HDAC9: variants seen among roughly 807,000 people sequenced by gnomAD.
The protein encoded by HDAC9 is MEF-2 interacting transcription repressor (MITR) protein.
HDAC9 carries 41 observed loss-of-function variants against 139.4 expected under a neutral mutation model. The observed-to-expected ratio is 0.29, with a 90% CI of 0.23 to 0.38. The LOEUF is 0.38. HDAC9 is among the 10% of genes least tolerant of loss of function. The pLI is 1.00. For synonymous variants in HDAC9, 517 were observed against 476.2 expected, an observed-to-expected ratio of 1.09 and a Z score of -1.12; for missense variants, 1,147 against 1,297.0, an observed-to-expected ratio of 0.88 and a Z score of 1.78.
chr7:18,647,941 C>G lies in HDAC9; in HGVS notation c.1192C>G (p.Leu398Val). 6.2e-7 allele frequency: 1 copy of G among 1,612,688 alleles called. No homozygotes were observed. Among genetic ancestry groups the G allele is most frequent in the Non-Finnish European group, 8.5e-7 (1 of 1,179,356 alleles). ...GCCACCCAACAGCAGCCACCAGGCT[C>G]TCCTGCAGCATTTATTATTGAAAGA... ...GKPPNSSHQA[L>V]LQHLLLKEQM... is the part of the protein sequence containing the mutation. The change falls in exon 10 of 26, where the codon CTC becomes GTC. Residue 398 changes from leucine to valine, a missense_variant. Physicochemically the swap from Leu to Val is conservative, Grantham distance 32. This residue lies in a region of HDAC9 where 264 missense variants were observed against 273.8 expected (regional missense o/e 0.96). Transcript: ENST00000686413.
intron 2 of HDAC9, among the ~76,000 whole-genome samples, chr7:18,272,136 A>C (rs1270451057): frequency 2.6e-5 from 4 of 152,156 alleles, no homozygotes; most frequent in African/African-American, 7.2e-5. Context: ...CAGTATTTCA[A>C]ATGTTTATGT....
At chr7:18,497,022 G>A (rs1460642909) in intron 2 of HDAC9, among the ~76,000 whole-genome samples, 1 of 152,128 alleles carries the variant, frequency 6.6e-6, no homozygotes, top group Non-Finnish European at 1.5e-5. Context: ...AATAGGAACA[G>A]ATTCTAATTT....
intron 14 of HDAC9, among the ~76,000 whole-genome samples, chr7:18,751,391 C>T (rs1316648530): frequency 6.6e-6 from 1 of 152,060 alleles, no homozygotes; most frequent in Non-Finnish European, 1.5e-5. Context: ...AACATGGCAA[C>T]AATGCAAATA....
At chr7:18,939,435 T>C (rs1382830047) in intron 23 of HDAC9, among the ~76,000 whole-genome samples, 2 of 152,176 alleles carry the variant, frequency 1.3e-5, no homozygotes, top group Non-Finnish European at 2.9e-5. Flanking sequence ...GTGTTGTACA[T>C]TATAATTCAT....
intron 1 of HDAC9, among the ~76,000 whole-genome samples, chr7:18,477,613 A>G (rs1448444209): frequency 1.3e-5 from 2 of 152,222 alleles, no homozygotes; most frequent in Non-Finnish European, 2.9e-5. Context: ...ATTTCTCATC[A>G]CATTTCCAGC....
At chr7:18,907,616 C>A (rs1051906236) in intron 22 of HDAC9, among the ~76,000 whole-genome samples, 1 of 152,212 alleles carries the variant, frequency 6.6e-6, no homozygotes, top group Admixed American at 6.5e-5. Flanking sequence ...GGCTTTGGAG[C>A]TATAGCTAGA....
intron 21 of HDAC9, among the ~76,000 whole-genome samples, chr7:18,858,965 A>AT (rs778977613): frequency 6.6e-6 from 1 of 152,036 alleles, no homozygotes; most frequent in Non-Finnish European, 1.5e-5. Flanking sequence ...TAGAAACACT[A>AT]TTTTTTCATC....
intron 14 of HDAC9, among the ~76,000 whole-genome samples, chr7:18,760,445 T>C (rs1159079130): frequency 6.6e-6 from 1 of 152,192 alleles, no homozygotes; most frequent in African/African-American, 2.4e-5. Flanking sequence ...AGATGTTTTC[T>C]AATCAATCAG....
chr7:18,399,391 T>C (rs1787335509), intron 1 of HDAC9, among the ~76,000 whole-genome samples: 1 of 152,098 alleles, frequency 6.6e-6, no homozygotes, highest in African/African-American at 2.4e-5. Flanking sequence ...TAACGAAAAA[T>C]TCTGTGTTAT....
chr7:18,825,545 A>T (rs1006814078), intron 17 of HDAC9, among the ~76,000 whole-genome samples: 1 of 152,078 alleles, frequency 6.6e-6, no homozygotes, highest in East Asian at 1.9e-4. Flanking sequence ...TGGACTAATG[A>T]GGTTGGAGGA....
intron 11 of HDAC9, among the ~76,000 whole-genome samples, chr7:18,653,741 A>T (rs953664284): frequency 6.6e-6 from 1 of 152,152 alleles, no homozygotes; most frequent in African/African-American, 2.4e-5. Context: ...GAATATAATT[A>T]TGCTCAAATG....
rs149844769 is a variant in HDAC9, at chr7:18,626,340, A to G, written c.665-3010A>G. ...GGCCACCAGCCTGTCCTGCCAGTAG[A>G]TTAAGCCCAAGTGAAATCCAACCAG... On this transcript the variant is annotated intron_variant, in intron 6 of 25. Transcript: ENST00000686413. Among the ~76,000 whole-genome samples, 453 of 152,306 alleles carry G rather than the reference A, an allele frequency of 3.0e-3. 6 individuals carry two copies. The highest frequency in any genetic ancestry group is 0.023 in the Admixed American group (354 of 15,304).
intron 1 of HDAC9, among the ~76,000 whole-genome samples, chr7:18,139,456 C>T (rs553620076): frequency 6.6e-6 from 1 of 152,200 alleles, no homozygotes; most frequent in African/African-American, 2.4e-5. Context: ...TTATTTTATC[C>T]TGTGGCACCA....
intron 1 of HDAC9, among the ~76,000 whole-genome samples, chr7:18,434,038 A>C (rs1326299047): frequency 6.6e-6 from 1 of 152,214 alleles, no homozygotes; most frequent in African/African-American, 2.4e-5. Context: ...CAGTATCCAA[A>C]ACAGCATGGT....
rs1812032288 is a variant in HDAC9 at position 18,539,530 on chromosome 7, C to CA, written c.22+43207dup. Among the ~76,000 whole-genome samples the CA allele has an allele frequency of 2.0e-5, 3 of 152,270 alleles. No homozygotes were observed. In the South Asian group the frequency reaches 6.2e-4, roughly 32 times the overall value. On this transcript the variant is annotated intron_variant, in intron 2 of 25. Transcript: ENST00000686413. ...GTAGTTTAGTAAACGGTATTGTACT[C>CA]ACGTTAATTTCTTTGTTTTAACAAA... is the stretch of plus-strand genomic sequence containing the variant.
chr7:18,697,035 C>T lies in HDAC9; in HGVS notation c.1732-30545C>T, dbSNP rs117307489. ...TAAATAAAAGTAACCCAGAGACTTC[C>T]TTTGCTAGTGAAAACACAGAGGCAA... On this transcript the variant is annotated intron_variant, in intron 12 of 25. Transcript: ENST00000686413. Among the ~76,000 whole-genome samples, 806 of 152,236 alleles carry T rather than the reference C, an allele frequency of 5.3e-3. 2 individuals are homozygous for T. Among genetic ancestry groups the T allele is most frequent in the Middle Eastern group, 0.01 (3 of 294 alleles).
intron 12 of HDAC9, among the ~76,000 whole-genome samples, chr7:18,676,196 G>C (rs1781496093): frequency 6.6e-6 from 1 of 151,914 alleles, no homozygotes; most frequent in African/African-American, 2.4e-5. Flanking sequence ...ACTGGACTCT[G>C]CCTTTCTTTC....
intron 8 of HDAC9, among the ~76,000 whole-genome samples, chr7:18,638,941 C>G (rs930466003): frequency 6.6e-6 from 1 of 151,952 alleles, no homozygotes; most frequent in Non-Finnish European, 1.5e-5. Context: ...TACTGTGGGC[C>G]TGTGGGTTCA....
intron 22 of HDAC9, among the ~76,000 whole-genome samples, chr7:18,907,279 T>C (rs1254882395): frequency 5.9e-5 from 9 of 152,238 alleles, no homozygotes; most frequent in Non-Finnish European, 1.3e-4. Flanking sequence ...AATGGAATTC[T>C]GTGATTTGAA....
Sources: gnomAD v4.1 joint callset for allele counts (sites outside exome capture counted in the v4.1 genomes callset) on GRCh38, gnomAD v4.1.1 for gene constraint, gnomAD v4.1.1 regional missense constraint, MANE v1.5 for transcripts, NCBI Gene and HGNC (gene_info 2026-07-23, HGNC 2026-07-21) for gene names.